The following NRXN1 variants were observed in gnomAD, a reference collection of about 807,000 sequenced individuals.
NRXN1 encodes neurexin 1.
In NRXN1, 39 loss-of-function variants were observed where a neutral mutation model predicts 150.9. The ratio of observed to expected loss-of-function variants is 0.26; its 90% CI spans 0.20 to 0.34. The LOEUF (loss-of-function observed/expected upper bound fraction) is 0.34. NRXN1 is among the 10% of genes least tolerant of loss of function. The pLI, the probability that NRXN1 is intolerant of heterozygous loss-of-function variation, is 1.00. For synonymous variants in NRXN1, 924 were observed against 757.0 expected (o/e 1.22, Z -3.62); for missense variants, 1,815 against 1,949.9 (o/e 0.93, Z 1.30).
intron 2 of NRXN1, among the ~76,000 whole-genome samples, chr2:50,962,011 A>T (rs975583396): frequency 6.6e-6 from 1 of 151,736 alleles, no homozygotes; most frequent in Admixed American, 6.6e-5. Context: ...TAAAGGCAAT[A>T]TAAGAAATCT....
At chr2:50,542,810 A>T (rs1009008844) in intron 9 of NRXN1, among the ~76,000 whole-genome samples, 1 of 152,168 alleles carries the variant, frequency 6.6e-6, no homozygotes, top group Non-Finnish European at 1.5e-5. Context: ...AATGACTTTT[A>T]CTATGGATAT....
chr2:50,764,196 C>T (rs1438771408), intron 5 of NRXN1, among the ~76,000 whole-genome samples: 2 of 151,970 alleles, frequency 1.3e-5, no homozygotes, highest in East Asian at 3.9e-4. Flanking sequence ...ATACCTACTA[C>T]ATGCCAGACA....
intron 21 of NRXN1, among the ~76,000 whole-genome samples, chr2:49,984,070 AG>A (rs1272457547): frequency 6.6e-6 from 1 of 152,104 alleles, no homozygotes; most frequent in Admixed American, 6.6e-5. Context: ...AGGAAGCTGA[AG>A]TGGGAAGATC....
chr2:49,948,667 G>A (rs1436107123), intron 21 of NRXN1, among the ~76,000 whole-genome samples: 1 of 151,970 alleles, frequency 6.6e-6, no homozygotes, highest in Non-Finnish European at 1.5e-5. Context: ...TCTAGCCAAA[G>A]CTGTGTAATT....
chr2:50,951,067 T>C (rs1473738285), intron 2 of NRXN1, among the ~76,000 whole-genome samples: 9 of 152,176 alleles, frequency 5.9e-5, no homozygotes, highest in Non-Finnish European at 8.8e-5. Flanking sequence ...AGTAGTAATA[T>C]ACTGGGAATT....
At chr2:49,969,459 A>G (rs1259398715) in intron 21 of NRXN1, among the ~76,000 whole-genome samples, 1 of 152,068 alleles carries the variant, frequency 6.6e-6, no homozygotes, top group South Asian at 2.1e-4. Flanking sequence ...AAAAATCAAA[A>G]TTCTATGTAA....
intron 5 of NRXN1, among the ~76,000 whole-genome samples, chr2:50,650,646 G>C (rs1685482117): frequency 6.6e-6 from 1 of 151,946 alleles, no homozygotes; most frequent in African/African-American, 2.4e-5. Context: ...CCAAATGCCA[G>C]ACAATGAAAT....
intron 5 of NRXN1, among the ~76,000 whole-genome samples, chr2:50,716,654 T>A (rs1227125472): frequency 1.3e-5 from 2 of 152,156 alleles, no homozygotes; most frequent in Admixed American, 6.5e-5. Context: ...CATCTACATA[T>A]AAATATACAT....
intron 19 of NRXN1, among the ~76,000 whole-genome samples, chr2:50,060,295 G>C (rs1259326857): frequency 6.6e-6 from 1 of 152,092 alleles, no homozygotes; most frequent in East Asian, 1.9e-4. Context: ...TTTCAGATTT[G>C]CATGGGGCCT....
At chr2:50,684,328 C>T (rs776623408) in intron 5 of NRXN1, among the ~76,000 whole-genome samples, 48 of 151,986 alleles carry the variant, frequency 3.2e-4, no homozygotes, top group Admixed American at 5.2e-4. Flanking sequence ...CAAGTTGAAA[C>T]CCCGTCACTA....
At chr2:50,471,572 G>C (rs1039097381) in intron 16 of NRXN1, among the ~76,000 whole-genome samples, 1 of 151,734 alleles carries the variant, frequency 6.6e-6, no homozygotes, top group Admixed American at 6.6e-5. Flanking sequence ...ATATATGTTT[G>C]CAGATGTCTT....
chr2:50,916,905 T>C (rs1444576273), intron 5 of NRXN1: 1 of 151,766 alleles, frequency 6.6e-6, no homozygotes, highest in Non-Finnish European at 1.5e-5. Context: ...AAGCATATAC[T>C]CTTCAATTAG....
intron 5 of NRXN1, among the ~76,000 whole-genome samples, chr2:50,710,565 G>C (rs1242379030): frequency 6.6e-6 from 1 of 152,138 alleles, no homozygotes; most frequent in Non-Finnish European, 1.5e-5. Flanking sequence ...ACTAGGTTCA[G>C]GCATTGAAGT....
At chr2:50,707,597 T>C (rs1486338166) in intron 5 of NRXN1, among the ~76,000 whole-genome samples, 1 of 152,176 alleles carries the variant, frequency 6.6e-6, no homozygotes, top group Non-Finnish European at 1.5e-5. Flanking sequence ...GCTGCCCTGA[T>C]GAAGCCTGGG....
Position 51,028,551 on chromosome 2 carries a change from G to C in NRXN1, c.-278C>G, listed in dbSNP as rs561200676. 2.7e-6 allele frequency: 1 copy of C among 374,562 alleles called. No homozygotes were observed. Among genetic ancestry groups the C allele is most frequent in the South Asian group, 1.3e-4 (1 of 7,776 alleles). 23.2% of individuals were successfully genotyped at this position (374,562 alleles called of 1,614,324 possible). A position where few individuals can be genotyped will look rare whatever the true frequency, so the allele number is the denominator to read the frequency against. On this transcript the variant is annotated 5_prime_UTR_variant, in exon 2 of 23. Coordinates refer to ENST00000401669, the MANE Select transcript of NRXN1 (RefSeq NM_001330078.2). Reference sequence around the variant, plus strand: ...CAGACCAAAGGGAGGATGCACTTTGGAGACAACGTTCTGGAAAAGGCTTCA... The same window carrying C: ...CAGACCAAAGGGAGGATGCACTTTGCAGACAACGTTCTGGAAAAGGCTTCA...
chr2:50,583,209 T>A (rs937080797), intron 8 of NRXN1, among the ~76,000 whole-genome samples: 2 of 152,014 alleles, frequency 1.3e-5, no homozygotes, highest in South Asian at 2.1e-4. Context: ...TGGCTAATTT[T>A]GTTTTTAATT....
At chr2:50,296,534 T>TATTATTATTATTATTATTATC (rs113286816) in intron 17 of NRXN1, among the ~76,000 whole-genome samples, 37 of 150,914 alleles carry the variant, frequency 2.5e-4, no homozygotes, top group Middle Eastern at 3.5e-3. Flanking sequence ...TTATTATTAT[T>TATTATTATTATTATTATTATC]ATCATTATTA....
intron 5 of NRXN1, among the ~76,000 whole-genome samples, chr2:50,896,095 T>G (rs774824229): frequency 1.3e-5 from 2 of 152,078 alleles, no homozygotes; most frequent in African/African-American, 4.8e-5. Flanking sequence ...AGGCACAAGA[T>G]AGTAGAGGGG....
chr2:50,998,899 C>T (rs1483403041), intron 2 of NRXN1, among the ~76,000 whole-genome samples: 2 of 151,914 alleles, frequency 1.3e-5, no homozygotes, highest in African/African-American at 4.8e-5. Context: ...ATTCAATTAG[C>T]CCAATGTCAG....
Sources: gnomAD v4.1 joint callset for allele counts (sites outside exome capture counted in the v4.1 genomes callset) on GRCh38, gnomAD v4.1.1 for gene constraint, MANE v1.5 for transcripts, NCBI Gene and HGNC (gene_info 2026-07-23, HGNC 2026-07-21) for gene names.